Variants in SMOC1 observed in about 807,000 individuals in gnomAD.
SMOC1 encodes the protein SPARC related modular calcium binding 1, also known as SPARC-related modular calcium-binding protein 1.
Under a neutral mutation model 56.3 loss-of-function variants are expected in SMOC1, and 22 were observed. The ratio of observed to expected loss-of-function variants is 0.39; its 90% CI spans 0.28 to 0.56. SMOC1 has a LOEUF of 0.56. Ranked by LOEUF, SMOC1 falls within the 20% of genes least tolerant of loss-of-function variation. SMOC1 has a pLI of 0.61. For synonymous variants in SMOC1, 193 were observed against 215.0 expected, an observed-to-expected ratio of 0.90 and a Z score of 0.89; for missense variants, 509 against 565.4, an observed-to-expected ratio of 0.90 and a Z score of 1.01.
intron 3 of SMOC1, among the ~76,000 whole-genome samples, chr14:69,957,728 A>G (rs1316984210): frequency 6.6e-6 from 1 of 152,224 alleles, no homozygotes; most frequent in East Asian, 1.9e-4. Flanking sequence ...AGCTTCAACA[A>G]TGATTAAGAA....
chr14:69,892,521 A>T (rs573057734), intron 1 of SMOC1, among the ~76,000 whole-genome samples: 4 of 151,930 alleles, frequency 2.6e-5, no homozygotes, highest in Non-Finnish European at 4.4e-5. Context: ...TAGTCATTAA[A>T]TTTTTTTTTG....
intron 1 of SMOC1, among the ~76,000 whole-genome samples, chr14:69,937,802 G>T (rs746022310): frequency 6.6e-5 from 10 of 152,158 alleles, no homozygotes; most frequent in Non-Finnish European, 1.0e-4. Context: ...GTGCTTTTGT[G>T]TTTGGTGATC....
intron 1 of SMOC1, among the ~76,000 whole-genome samples, chr14:69,933,096 C>T (rs961019649): frequency 3.9e-5 from 6 of 152,126 alleles, no homozygotes; most frequent in South Asian, 4.2e-4. Flanking sequence ...TTCTCTGATC[C>T]GTTTCACCCA....
chr14:69,986,038 A>G (rs1884353780), intron 5 of SMOC1, among the ~76,000 whole-genome samples: 1 of 152,180 alleles, frequency 6.6e-6, no homozygotes, highest in South Asian at 2.1e-4. Context: ...GGGATCCCCT[A>G]TCCATCTATA....
intron 1 of SMOC1, among the ~76,000 whole-genome samples, chr14:69,916,148 C>G (rs759180509): frequency 2.4e-4 from 36 of 152,208 alleles, no homozygotes; most frequent in Non-Finnish European, 4.1e-4. Context: ...CCCATTTACC[C>G]ATTCCTCAAC....
chr14:69,901,413 A>G (rs928720480), intron 1 of SMOC1, among the ~76,000 whole-genome samples: 1 of 152,214 alleles, frequency 6.6e-6, no homozygotes, highest in Admixed American at 6.5e-5. Flanking sequence ...GGATGGAACT[A>G]TCTGAGGTGG....
intron 1 of SMOC1, among the ~76,000 whole-genome samples, chr14:69,942,834 A>T (rs1390108367): frequency 2.0e-5 from 3 of 152,206 alleles, no homozygotes; most frequent in Non-Finnish European, 4.4e-5. Context: ...GATTGGGAGC[A>T]TGTAGGTTAA....
chr14:69,989,320 C>A (rs1454136168), intron 5 of SMOC1, among the ~76,000 whole-genome samples: 1 of 152,156 alleles, frequency 6.6e-6, no homozygotes, highest in Non-Finnish European at 1.5e-5. Context: ...TATTTATTAG[C>A]CATCTGTATC....
chr14:69,964,020 C>T (rs569603649), intron 3 of SMOC1, among the ~76,000 whole-genome samples: 2 of 152,306 alleles, frequency 1.3e-5, no homozygotes, highest in South Asian at 2.1e-4. Flanking sequence ...TCTGGGGACT[C>T]GCCTATCCCA....
rs754560347 is a variant in SMOC1 at position 70,030,323 on chromosome 14, C to T, written c.*65C>T. The T allele has an allele frequency of 2.5e-6, 4 of 1,600,140 alleles. No individual in the cohort carries two copies. Among genetic ancestry groups the T allele is most frequent in the Non-Finnish European group, 3.4e-6 (4 of 1,171,590 alleles). On this transcript the variant is annotated 3_prime_UTR_variant, in exon 12 of 12. Coordinates refer to ENST00000361956, the MANE Select transcript of SMOC1 (RefSeq NM_001034852.3). ...GCAGGATGGATCACCAGACACCTAA[C>T]CTTCAGCGTTGCCCATGGCCCTGCC... is the stretch of plus-strand genomic sequence containing the variant.
rs116714521 is a variant in SMOC1 at position 69,990,374 on chromosome 14, T to C, written c.527-2043T>C. Among the ~76,000 whole-genome samples the C allele has an allele frequency of 2.5e-3, 376 of 152,372 alleles. 2 individuals carry two copies. The highest frequency in any genetic ancestry group is 8.7e-3 in the African/African-American group (360 of 41,584). On this transcript the variant is annotated intron_variant, in intron 5 of 11. Transcript: ENST00000361956. ...ATATTAAAATATTACATAAGCCATA[T>C]GCACTTGAGTTCTCATTATCATCCC...
chr14:69,886,091 G>C, intron 1 of SMOC1: 11 of 1,571,120 alleles, frequency 7.0e-6, no homozygotes, highest in Non-Finnish European at 9.5e-6. Context: ...CTTCACGACA[G>C]CTGGGGCCGG....
In SMOC1 at chr14:69,960,929, A is replaced by G. The variant is rs892548679; in HGVS notation, c.378+7397A>G. Among the ~76,000 whole-genome samples, 4 of 152,270 alleles carry G rather than the reference A, an allele frequency of 2.6e-5. No homozygotes were observed. In the South Asian group the frequency reaches 6.2e-4, roughly 24 times the overall value. ...TATTGACATATAATTTGTGCATCAT[A>G]AAAGTTACCATTTTAAAATATGCTA... is the stretch of plus-strand genomic sequence containing the variant. On this transcript the variant is annotated intron_variant, in intron 3 of 11. Transcript: ENST00000361956.
At chr14:70,016,350 T>G (rs1885511643) in intron 10 of SMOC1, among the ~76,000 whole-genome samples, 1 of 152,250 alleles carries the variant, frequency 6.6e-6, no homozygotes, top group Non-Finnish European at 1.5e-5. Context: ...CAAAACATGT[T>G]TTTCATTTTA....
At position 70,032,015 on chromosome 14, in the gene SMOC1, T is replaced by C. The variant is rs1272056525; in HGVS notation, c.*1757T>C. 6.6e-6 allele frequency: 1 copy of C among 152,374 alleles called. No individual in the cohort carries two copies. Among genetic ancestry groups the C allele is most frequent in the Non-Finnish European group, 1.5e-5 (1 of 68,134 alleles). 9.4% of individuals were successfully genotyped at this position (152,374 alleles called of 1,614,324 possible). The stretch of plus-strand genomic sequence containing the variant: ...GGGGTCTTGGGCTAAAGGAGGTCCC[T>C]GCTGTCCTGGAGAAAGTCCTAGAGG... On this transcript the variant is annotated 3_prime_UTR_variant, in exon 12 of 12. Coordinates refer to ENST00000361956, the MANE Select transcript of SMOC1 (RefSeq NM_001034852.3).
intron 3 of SMOC1, among the ~76,000 whole-genome samples, chr14:69,966,344 A>G (rs1253841984): frequency 6.6e-6 from 1 of 152,164 alleles, no homozygotes; most frequent in Non-Finnish European, 1.5e-5. Flanking sequence ...GGGTGTTCCA[A>G]ATGTCTTTAT....
At chr14:69,923,418 G>A (rs995205782) in intron 1 of SMOC1, among the ~76,000 whole-genome samples, 2 of 152,132 alleles carry the variant, frequency 1.3e-5, no homozygotes, top group Admixed American at 6.5e-5. Flanking sequence ...TGGGGTGGTG[G>A]GAGCACAGGG....
At chr14:70,027,600 A>G (rs1885976486) in intron 11 of SMOC1, among the ~76,000 whole-genome samples, 1 of 152,192 alleles carries the variant, frequency 6.6e-6, no homozygotes, top group Non-Finnish European at 1.5e-5. Context: ...GAGTAAGTGC[A>G]GAGGCCCTGA....
intron 1 of SMOC1, among the ~76,000 whole-genome samples, chr14:69,936,896 A>AG (rs1348123613): frequency 2.6e-5 from 4 of 152,238 alleles, no homozygotes; most frequent in African/African-American, 4.8e-5. Flanking sequence ...CTGGAGTGGG[A>AG]GGAAGATTAC....
Sources: allele counts gnomAD v4.1 joint callset (sites outside exome capture counted in the v4.1 genomes callset), GRCh38; gene constraint gnomAD v4.1.1; transcripts MANE v1.5; gene names NCBI Gene and HGNC (gene_info 2026-07-23, HGNC 2026-07-21).